Variants in AIG1 observed in about 807,000 individuals in gnomAD.
AIG1 encodes the protein androgen-induced gene 1 protein.
A neutral mutation model predicts 31.4 loss-of-function variants in AIG1; 23 were observed. The ratio of observed to expected loss-of-function variants is 0.73; its 90% CI spans 0.53 to 1.04. The LOEUF (loss-of-function observed/expected upper bound fraction) is 1.04. Ranked by LOEUF, AIG1 falls within the 50% of genes least tolerant of loss-of-function variation. The probability of loss-of-function intolerance (pLI) is 0.00; values close to 1 mark genes in which losing one functional copy is unlikely to be tolerated. For missense variants in AIG1, 274 were observed against 295.0 expected, an observed-to-expected ratio of 0.93 and a Z score of 0.52; for synonymous variants, 100 against 110.5, an observed-to-expected ratio of 0.90 and a Z score of 0.60.
At chr6:143,120,389 G>A (rs1232046618) in intron 1 of AIG1, among the ~76,000 whole-genome samples, 1 of 152,172 alleles carries the variant, frequency 6.6e-6, no homozygotes, top group Non-Finnish European at 1.5e-5. Flanking sequence ...ACCTGAGACT[G>A]GGTAATTTAT....
intron 3 of AIG1, among the ~76,000 whole-genome samples, chr6:143,201,598 C>T (rs888936576): frequency 3.9e-5 from 6 of 152,128 alleles, no homozygotes; most frequent in African/African-American, 1.4e-4. Context: ...AGAAGGGACC[C>T]TACGAATAAT....
At chr6:143,301,212 T>A (rs550194168) in intron 4 of AIG1, among the ~76,000 whole-genome samples, 1 of 152,360 alleles carries the variant, frequency 6.6e-6, no homozygotes, top group East Asian at 1.9e-4. Context: ...TAATGCTGCC[T>A]CGGATTGCAA....
chr6:143,234,468 A>C (rs1793669090), intron 3 of AIG1, among the ~76,000 whole-genome samples: 1 of 152,186 alleles, frequency 6.6e-6, no homozygotes, highest in African/African-American at 2.4e-5. Flanking sequence ...GAGTTCCCCC[A>C]CCTGGTTGGG....
At chr6:143,188,342 T>C in intron 3 of AIG1, 1 of 985,626 alleles carries the variant, frequency 1.0e-6, no homozygotes, top group Non-Finnish European at 1.2e-6. Context: ...TACTGAGCGA[T>C]GTATTTATGT....
intron 4 of AIG1, among the ~76,000 whole-genome samples, chr6:143,303,878 T>C (rs1372668514): frequency 6.7e-6 from 1 of 148,210 alleles, no homozygotes; most frequent in Non-Finnish European, 1.5e-5. Context: ...TTCTTCCATT[T>C]GTTTGTATCC....
At chr6:143,171,647 G>A (rs1375873172) in intron 3 of AIG1, among the ~76,000 whole-genome samples, 1 of 149,558 alleles carries the variant, frequency 6.7e-6, no homozygotes, top group Non-Finnish European at 1.5e-5. Flanking sequence ...ACATGCATGT[G>A]CAAGTATCTT....
intron 3 of AIG1, among the ~76,000 whole-genome samples, chr6:143,257,287 C>T (rs901305745): frequency 2.6e-4 from 40 of 152,048 alleles, no homozygotes; most frequent in African/African-American, 9.7e-4. Flanking sequence ...GTGGTGTTTA[C>T]TATTTAGAGT....
intron 3 of AIG1, among the ~76,000 whole-genome samples, chr6:143,230,436 A>G (rs1232795850): frequency 2.0e-5 from 3 of 150,022 alleles, no homozygotes; most frequent in African/African-American, 7.3e-5. Context: ...TACCTGTTAA[A>G]TGATAATATT....
chr6:143,157,437 C>CT (rs1179158846), intron 2 of AIG1, among the ~76,000 whole-genome samples: 9,712 of 132,534 alleles, frequency 0.073, 728 homozygotes, highest in East Asian at 0.37. Flanking sequence ...TTCCTCTCTT[C>CT]TTTTTTTTTT....
intron 2 of AIG1, among the ~76,000 whole-genome samples, chr6:143,160,295 GCTT>G (rs1232496670): frequency 2.6e-5 from 4 of 152,140 alleles, no homozygotes; most frequent in Admixed American, 2.0e-4. Context: ...AATCAATAAA[GCTT>G]CTTCTTAGAA....
intron 3 of AIG1, among the ~76,000 whole-genome samples, chr6:143,196,396 C>CA (rs1554256875): frequency 9.8e-5 from 14 of 142,632 alleles, no homozygotes; most frequent in Non-Finnish European, 2.0e-4. Context: ...CACACACACA[C>CA]CCCAATTTGA....
chr6:143,136,813 A>G (rs1282542735), intron 1 of AIG1, 22 bp from the exon 2 acceptor site: 2 of 1,352,446 alleles, frequency 1.5e-6, no homozygotes, highest in Admixed American at 2.7e-5. Context: ...AATGACTCAT[A>G]CCGGCTGTTG....
At chr6:143,229,724 T>A (rs1037575208) in intron 3 of AIG1, among the ~76,000 whole-genome samples, 9 of 151,588 alleles carry the variant, frequency 5.9e-5, no homozygotes, top group Non-Finnish European at 1.0e-4. Context: ...TAGTTGTTTT[T>A]TTCTTAATCC....
At chr6:143,130,814 C>T (rs1783159771) in intron 1 of AIG1, among the ~76,000 whole-genome samples, 1 of 152,150 alleles carries the variant, frequency 6.6e-6, no homozygotes, top group African/African-American at 2.4e-5. Context: ...CAGATTGTTT[C>T]ATCACCCAGG....
chr6:143,061,879 C>T (rs1776291225), intron 1 of AIG1, among the ~76,000 whole-genome samples: 1 of 152,208 alleles, frequency 6.6e-6, no homozygotes, highest in Non-Finnish European at 1.5e-5. Flanking sequence ...GGGCATAAGG[C>T]CCAATAATGA....
chr6:143,116,830 A>G (rs1583226993), intron 1 of AIG1, among the ~76,000 whole-genome samples: 1 of 151,746 alleles, frequency 6.6e-6, no homozygotes, highest in Non-Finnish European at 1.5e-5. Context: ...AAAGGCATCC[A>G]GTTTATATAG....
chr6:143,240,450 G>A (rs1794159292), intron 3 of AIG1, among the ~76,000 whole-genome samples: 1 of 152,184 alleles, frequency 6.6e-6, no homozygotes, highest in Admixed American at 6.5e-5. Context: ...TAATAGCTGG[G>A]ATTTTCTATA....
rs748215020 is a variant in AIG1 at position 143,268,924 on chromosome 6, T to A, written c.400-15186T>A. Among the ~76,000 whole-genome samples the A allele has an allele frequency of 5.3e-5, 8 of 152,188 alleles. No homozygotes were observed. The highest frequency in any genetic ancestry group is 8.8e-5 in the Non-Finnish European group (6 of 68,038). ...CCTTACTAAGTTCAGACCCCCTTCC[T>A]GTGGCAGCCCTCATCCCATAACTGG... On this transcript the variant is annotated intron_variant, in intron 3 of 5. Coordinates refer to ENST00000357847, the MANE Select transcript of AIG1 (RefSeq NM_016108.4). This position sits in a 1 kb window ranked among gnomAD's most constrained non-coding sequence, Gnocchi z 5.0.
rs185346295 is a variant in AIG1, at chr6:143,081,537, T to G, written c.141+20471T>G. Among the ~76,000 whole-genome samples, 41 of 151,642 alleles carry G rather than the reference T, an allele frequency of 2.7e-4. 1 individual carries two copies. Among genetic ancestry groups the G allele is most frequent in the African/African-American group, 9.7e-4 (40 of 41,272 alleles). On this transcript the variant is annotated intron_variant, in intron 1 of 5. Coordinates refer to ENST00000357847, the MANE Select transcript of AIG1 (RefSeq NM_016108.4). ...TAGTCTTCTCCTGGGTAATGGCCTG[T>G]TCTTTGTTCTCCTGAAGGAGCTTGG...
Sources: allele counts gnomAD v4.1 joint callset (sites outside exome capture counted in the v4.1 genomes callset), GRCh38; gene constraint gnomAD v4.1.1; non-coding constraint Gnocchi (gnomAD v3.1); transcripts MANE v1.5; gene names NCBI Gene and HGNC (gene_info 2026-07-23, HGNC 2026-07-21).